The following LSM6 variants were observed in gnomAD, a reference collection of about 807,000 sequenced individuals.
LSM6 encodes the protein U6 snRNA-associated Sm-like protein LSm6.
A neutral mutation model predicts 13.5 loss-of-function variants in LSM6; 2 were observed. The observed-to-expected ratio is 0.15, with a 90% CI of 0.06 to 0.47. The LOEUF (loss-of-function observed/expected upper bound fraction) is 0.47. Among genes scored for constraint, LSM6 ranks in the 20% least tolerant of loss-of-function variants. The probability of loss-of-function intolerance (pLI) is 0.97; values close to 1 mark genes in which losing one functional copy is unlikely to be tolerated. For synonymous variants in LSM6, 43 were observed against 34.9 expected (o/e 1.23, Z -0.82); for missense variants, 58 against 96.4 (o/e 0.60, Z 1.67).
At position 146,191,516 on chromosome 4, in the gene LSM6, G is replaced by T. The variant is rs907056593; in HGVS notation, c.*1860G>T. 4 of 152,186 alleles carry T rather than the reference G, an allele frequency of 2.6e-5. No homozygotes were observed. Among genetic ancestry groups the T allele is most frequent in the African/African-American group, 9.7e-5 (4 of 41,428 alleles). 9.4% of individuals were successfully genotyped at this position (152,186 alleles called of 1,614,324 possible). On this transcript the variant is annotated 3_prime_UTR_variant, in exon 4 of 4. Coordinates refer to ENST00000296581, the MANE Select transcript of LSM6 (RefSeq NM_007080.3). ...TGCTGCCATTTTTATGGTAATAAAGGACTGTATTATGCACTTGAACCCGCT... is the reference window on the plus strand; with the variant it reads ...TGCTGCCATTTTTATGGTAATAAAGTACTGTATTATGCACTTGAACCCGCT...
At chr4:146,176,296 G>C (rs1730106680) in intron 1 of LSM6, 1 of 152,284 alleles carries the variant, frequency 6.6e-6, no homozygotes, top group South Asian at 2.1e-4. Context: ...GGCTGCGCCT[G>C]ACCACAGGAA....
intron 1 of LSM6, among the ~76,000 whole-genome samples, chr4:146,179,094 A>T (rs1730175870): frequency 6.6e-6 from 1 of 152,238 alleles, no homozygotes; most frequent in African/African-American, 2.4e-5. Flanking sequence ...TTCTGACAGA[A>T]AATATACTGC....
chr4:146,191,084 C>T lies in LSM6; in HGVS notation c.*1428C>T, dbSNP rs978199574. 2 of 152,154 alleles carry T rather than the reference C, an allele frequency of 1.3e-5. No individual in the cohort carries two copies. Among genetic ancestry groups the T allele is most frequent in the African/African-American group, 2.4e-5 (1 of 41,436 alleles). 9.4% of individuals were successfully genotyped at this position (152,154 alleles called of 1,614,324 possible). ...TACCGTGTGCACACTGAAAATAAAACACTTTATGCTATGCTTCAATAATTT... is the reference window on the plus strand; with the variant it reads ...TACCGTGTGCACACTGAAAATAAAATACTTTATGCTATGCTTCAATAATTT... On this transcript the variant is annotated 3_prime_UTR_variant, in exon 4 of 4. Coordinates refer to ENST00000296581, the MANE Select transcript of LSM6 (RefSeq NM_007080.3).
chr4:146,179,764 C>T (rs1013316383), intron 1 of LSM6, among the ~76,000 whole-genome samples: 1 of 152,234 alleles, frequency 6.6e-6, no homozygotes, highest in African/African-American at 2.4e-5. Context: ...TGGGCATCTG[C>T]ACTCTGCTAT....
At chr4:146,180,932 T>C (rs535642672) in intron 1 of LSM6, 2 of 152,364 alleles carry the variant, frequency 1.3e-5, no homozygotes, top group Admixed American at 1.3e-4. Context: ...CTAAACTCAT[T>C]AAAGGTACTG....
chr4:146,190,250 G>A lies in LSM6; in HGVS notation c.*594G>A, dbSNP rs920502303. 1.3e-5 allele frequency: 2 copies of A among 152,432 alleles called. No homozygotes were observed. Among genetic ancestry groups the A allele is most frequent in the Non-Finnish European group, 2.9e-5 (2 of 68,214 alleles). 9.4% of individuals were successfully genotyped at this position (152,432 alleles called of 1,614,324 possible). A position where few individuals can be genotyped will look rare whatever the true frequency, so the allele number is the denominator to read the frequency against. Reference sequence around the variant, plus strand: ...AAGGAGTGGGAATTCGAACTGAGGTGCTGGAGAAATCCTAAAGATGAACAA... The same window carrying A: ...AAGGAGTGGGAATTCGAACTGAGGTACTGGAGAAATCCTAAAGATGAACAA... On this transcript the variant is annotated 3_prime_UTR_variant, in exon 4 of 4. Transcript: ENST00000296581.
intron 1 of LSM6, among the ~76,000 whole-genome samples, chr4:146,177,616 G>T (rs988606075): frequency 2.0e-5 from 3 of 151,830 alleles, no homozygotes; most frequent in African/African-American, 7.3e-5. Flanking sequence ...TAAAACCAAA[G>T]AACAATTTTT....
chr4:146,178,592 C>G (rs1022219403), intron 1 of LSM6, among the ~76,000 whole-genome samples: 5 of 152,160 alleles, frequency 3.3e-5, no homozygotes, highest in Admixed American at 1.3e-4. Context: ...ATTCTTTTCA[C>G]CCTAAACTGT....
In LSM6 at chr4:146,182,954, C is replaced by T; in HGVS notation, c.33C>T (p.Phe11=). MSLRKQTPSD[F]LKQIIGRPVV... is the part of the protein sequence containing the mutation. ...TTCGGAAGCAAACCCCTAGTGACTTCTTAAAGCAAATCATCGGACGACCAG... is the reference window on the plus strand; with the variant it reads ...TTCGGAAGCAAACCCCTAGTGACTTTTTAAAGCAAATCATCGGACGACCAG... The change falls in exon 2 of 4, where the codon TTC becomes TTT. Residue 11 remains phenylalanine (F), a synonymous_variant. Coordinates refer to ENST00000296581, the MANE Select transcript of LSM6 (RefSeq NM_007080.3). 2.5e-6 allele frequency: 4 copies of T among 1,613,436 alleles called. No homozygotes were observed. Among genetic ancestry groups the T allele is most frequent in the Non-Finnish European group, 3.4e-6 (4 of 1,179,448 alleles).
chr4:146,184,394 G>T (rs1045008968), intron 2 of LSM6, among the ~76,000 whole-genome samples: 8 of 152,286 alleles, frequency 5.3e-5, no homozygotes, highest in African/African-American at 1.9e-4. Context: ...AGTAGAGGAG[G>T]AGCTAGGACT....
At chr4:146,188,395 A>G (rs1262253901) in intron 3 of LSM6, among the ~76,000 whole-genome samples, 1 of 150,048 alleles carries the variant, frequency 6.7e-6, no homozygotes, top group East Asian at 2.0e-4. Flanking sequence ...CACTACCCCT[A>G]GGACTTGGGG....
At position 146,180,271 on chromosome 4, in the gene LSM6, A is replaced by G. The variant is rs542835139; in HGVS notation, c.-10-2641A>G. 5.9e-5 allele frequency among the ~76,000 whole-genome samples: 9 copies of G among 152,196 alleles called. No homozygotes were observed. The South Asian group carries it at 8.3e-4, about 14-fold the overall frequency. The stretch of plus-strand genomic sequence containing the variant: ...ATGTTTCTTGCCCTCTCTGGAATGT[A>G]AACTCTGAGGGCTTAAGGCCTTGTC... On this transcript the variant is annotated intron_variant, in intron 1 of 3. Coordinates refer to ENST00000296581, the MANE Select transcript of LSM6 (RefSeq NM_007080.3).
chr4:146,191,284 T>C lies in LSM6; in HGVS notation c.*1628T>C, dbSNP rs1260345314. The C allele has an allele frequency of 2.6e-5, 4 of 152,222 alleles. No individual in the cohort carries two copies. Among genetic ancestry groups the C allele is most frequent in the Admixed American group, 2.6e-4 (4 of 15,288 alleles). The allele number at this position is 152,222 out of a possible 1,614,324, so 9.4% of individuals were successfully genotyped here. A position where few individuals can be genotyped will look rare whatever the true frequency, so the allele number is the denominator to read the frequency against. On this transcript the variant is annotated 3_prime_UTR_variant, in exon 4 of 4. Transcript: ENST00000296581. ...GCTGCAGGTTATTGTGTCCCTTCAT[T>C]CACTTATATCAGCCACCTCTAAAAG...
chr4:146,178,251 C>G (rs1730152962), intron 1 of LSM6, among the ~76,000 whole-genome samples: 1 of 152,100 alleles, frequency 6.6e-6, no homozygotes, highest in Non-Finnish European at 1.5e-5. Flanking sequence ...TTCCCTGTCC[C>G]CAAGAAGCTT....
intron 2 of LSM6, among the ~76,000 whole-genome samples, chr4:146,186,367 A>G (rs1329324119): frequency 1.1e-3 from 172 of 152,206 alleles, no homozygotes; most frequent in Non-Finnish European, 3.5e-4. Context: ...TGAAGTTAAG[A>G]CATCAAATGA....
intron 1 of LSM6, chr4:146,181,463 G>A (rs1730229450): frequency 6.6e-6 from 1 of 152,176 alleles, no homozygotes; most frequent in East Asian, 1.9e-4. Context: ...GTTGAGCCCA[G>A]TAACCTAGAG....
chr4:146,176,807 C>T (rs1730120431), intron 1 of LSM6: 1 of 152,022 alleles, frequency 6.6e-6, no homozygotes, highest in Admixed American at 6.5e-5. Context: ...CTTAGCATCC[C>T]AGATAGTGCT....
chr4:146,189,651 A>C lies in LSM6; in HGVS notation c.238A>C (p.Met80Leu). ...GTACATCAGTACACAGAAGAGACGG[A>C]TGTGAAGACACCAAGAGAGCAACGC... ...VLYISTQKRR[M>L] Residue 80 changes from methionine to leucine, a missense_variant, in exon 4 of 4, where the codon ATG becomes CTG. Coordinates refer to ENST00000296581, the MANE Select transcript of LSM6 (RefSeq NM_007080.3). 3.1e-6 allele frequency: 5 copies of C among 1,601,508 alleles called. No individual in the cohort carries two copies. Among genetic ancestry groups the C allele is most frequent in the Non-Finnish European group, 4.3e-6 (5 of 1,173,374 alleles).
chr4:146,186,510 G>C (rs2110889320), intron 2 of LSM6, among the ~76,000 whole-genome samples: 1 of 152,066 alleles, frequency 6.6e-6, no homozygotes, highest in Non-Finnish European at 1.5e-5. Context: ...AGATCATCAG[G>C]TCAAATTTTA....
Sources: gnomAD v4.1 joint callset for allele counts (sites outside exome capture counted in the v4.1 genomes callset) on GRCh38, gnomAD v4.1.1 for gene constraint, MANE v1.5 for transcripts, NCBI Gene and HGNC (gene_info 2026-07-23, HGNC 2026-07-21) for gene names.